FOXC2: variants seen among roughly 807,000 people sequenced by gnomAD.
FOXC2 encodes forkhead box protein C2.
In FOXC2, 7 loss-of-function variants were observed where a neutral mutation model predicts 7.2. The ratio of observed to expected loss-of-function variants is 0.97; its 90% confidence interval spans 0.55 to 1.81. The LOEUF (loss-of-function observed/expected upper bound fraction) is 1.81, where lower values mean the gene tolerates loss of function less well. Ranked by LOEUF, FOXC2 falls within the 40% of genes most tolerant of loss-of-function variation. FOXC2 has a pLI of 0.00. For missense variants in FOXC2, 846 were observed against 741.2 expected (o/e 1.14, Z -1.64); for synonymous variants, 436 against 350.4 (o/e 1.24, Z -2.73).
rs1974228848 is a variant in FOXC2, at chr16:86,568,275, G to C, written c.940G>C (p.Gly314Arg). The change falls in exon 1 of 1, where the codon GGC becomes CGC. Residue 314 changes from glycine to arginine, a missense_variant. Around this residue, in one of 3 missense-constraint regions of FOXC2, gnomAD observed 640 missense variants for 503.2 expected, o/e 1.27. Coordinates refer to ENST00000649859, the MANE Select transcript of FOXC2 (RefSeq NM_005251.3). The surrounding 1 kb of genome is among the most constrained non-coding windows in gnomAD (Gnocchi z 5.2). ...PYAAAPPAAY[G>R]QPCAQGLEAG... ...CGCCGCCGCGCCGCCCGCCGCCTAC[G>C]GCCAGCCGTGCGCTCAGGGCCTGGA... The C allele has an allele frequency of 7.2e-6, 9 of 1,254,070 alleles. No individual in the cohort carries two copies. The highest frequency in any genetic ancestry group is 3.9e-5 in the Admixed American group (1 of 25,356). 77.7% of individuals were successfully genotyped at this position (1,254,070 alleles called of 1,614,324 possible).
chr16:86,569,074 G>GGAC lies in FOXC2; in HGVS notation c.*235_*237dup. 1.6e-6 allele frequency: 1 copy of GGAC among 610,964 alleles called. No homozygotes were observed. Among genetic ancestry groups the GGAC allele is most frequent in the Admixed American group, 2.9e-5 (1 of 34,114 alleles). 37.8% of individuals were successfully genotyped at this position (610,964 alleles called of 1,614,324 possible). On this transcript the variant is annotated 3_prime_UTR_variant, in exon 1 of 1. Transcript: ENST00000649859. The stretch of plus-strand genomic sequence containing the variant: ...GGGATCCCAGGAAACCCCTCCAAAG[G>GGAC]GACGCAGCCCAACAAAATGAGTATT...
At position 86,568,845 on chromosome 16, in the gene FOXC2, G is replaced by A. The variant is rs534691557; in HGVS notation, c.*4G>A. 6.2e-6 allele frequency: 10 copies of A among 1,612,646 alleles called. No individual in the cohort carries two copies. The South Asian group carries it at 7.7e-5, about 12-fold the overall frequency. On this transcript the variant is annotated 3_prime_UTR_variant, in exon 1 of 1. Transcript: ENST00000649859. The surrounding 1 kb of genome is among the most constrained non-coding windows in gnomAD (Gnocchi z 5.2). ...CTACGACTGCACGAAATACTGACGT[G>A]TCCCGGGACCTCCCCTCCCCGGCCC...
In FOXC2 at chr16:86,567,516, C is replaced by T; in HGVS notation, c.181C>T (p.His61Tyr). 1 of 1,613,978 alleles carries T rather than the reference C, an allele frequency of 6.2e-7. No homozygotes were observed. Among genetic ancestry groups the T allele is most frequent in the Non-Finnish European group, 8.5e-7 (1 of 1,180,006 alleles). Residue 61 changes from histidine (H) to tyrosine (Y), a missense_variant, in exon 1 of 1, where the codon CAC (histidine) becomes TAC (tyrosine). Around this residue, in one of 3 missense-constraint regions of FOXC2, gnomAD observed 154 missense variants for 134.2 expected, o/e 1.15. Coordinates refer to ENST00000649859, the MANE Select transcript of FOXC2 (RefSeq NM_005251.3). ...GGGCCGCTCCTACGCGCCCTACCAC[C>T]ACCACCAGCCCGCGGCGCCTAAGGA... ...GMGRSYAPYH[H>Y]HQPAAPKDLV...
chr16:86,567,012 T>C lies in FOXC2; in HGVS notation c.-324T>C, dbSNP rs1249156007. 2.0e-5 allele frequency among the ~76,000 whole-genome samples: 3 copies of C among 150,744 alleles called. No individual in the cohort carries two copies. The highest frequency in any genetic ancestry group is 4.4e-5 in the Non-Finnish European group (3 of 67,432). ...GGTCCCCAGGCCGCGGCGTCTCCGC[T>C]GGGTCCGCGGCCGCCCGCCTGCCCG... On this transcript the variant is annotated 5_prime_UTR_variant, in exon 1 of 1. Transcript: ENST00000649859.
rs1310879511 is a variant in FOXC2 at position 86,568,421 on chromosome 16, G to C, written c.1086G>C (p.Pro362=). 8 of 1,350,582 alleles carry C rather than the reference G, an allele frequency of 5.9e-6. No homozygotes were observed. The highest frequency in any genetic ancestry group is 3.1e-5 in the African/African-American group (2 of 65,144). 83.7% of individuals were successfully genotyped at this position (1,350,582 alleles called of 1,614,324 possible). Residue 362 remains proline, a synonymous_variant, in exon 1 of 1, where the codon CCG becomes CCC. Coordinates refer to ENST00000649859, the MANE Select transcript of FOXC2 (RefSeq NM_005251.3). This position sits in a 1 kb window ranked among gnomAD's most constrained non-coding sequence, Gnocchi z 5.2. The part of the protein sequence containing the change: ...PALDEALSDH[P]SGPTSPLSAL... ...TGGACGAGGCCCTCTCGGACCACCC[G>C]AGCGGCCCCACGTCGCCCCTGAGCG...
chr16:86,568,706 C>G lies in FOXC2; in HGVS notation c.1371C>G (p.His457Gln). 6.2e-7 allele frequency: 1 copy of G among 1,612,924 alleles called. No homozygotes were observed. Among genetic ancestry groups the G allele is most frequent in the Non-Finnish European group, 8.5e-7 (1 of 1,179,996 alleles). The change falls in exon 1 of 1, where the codon CAC becomes CAG. Residue 457 changes from histidine to glutamine, a missense_variant. Transcript: ENST00000649859. This position sits in a 1 kb window ranked among gnomAD's most constrained non-coding sequence, Gnocchi z 5.2. Reference sequence around the variant, plus strand: ...ACGTGCGGGAGATGTTCAACTCCCACCGGCTGGGGATTGAGAACTCGACCC... The same window carrying G: ...ACGTGCGGGAGATGTTCAACTCCCAGCGGCTGGGGATTGAGAACTCGACCC... The part of the protein sequence containing the change: ...FPNVREMFNS[H>Q]RLGIENSTLG...
Position 86,569,213 on chromosome 16 carries a change from G to T in FOXC2, c.*372G>T. 2 of 370,966 alleles carry T rather than the reference G, an allele frequency of 5.4e-6. No homozygotes were observed. The highest frequency in any genetic ancestry group is 1.1e-5 in the Non-Finnish European group (2 of 187,804). The allele number at this position is 370,966 out of a possible 1,614,324, so 23.0% of individuals were successfully genotyped here. ...CGAGCCCCTAGTGACTTTCTGTAGG[G>T]GTCCCCATAGGTGTATGGGGGTCTC... On this transcript the variant is annotated 3_prime_UTR_variant, in exon 1 of 1. Coordinates refer to ENST00000649859, the MANE Select transcript of FOXC2 (RefSeq NM_005251.3).
Position 86,567,327 on chromosome 16 carries a change from G to A in FOXC2, c.-9G>A. The A allele has an allele frequency of 6.2e-7, 1 of 1,612,602 alleles. No individual in the cohort carries two copies. The highest frequency in any genetic ancestry group is 8.5e-7 in the Non-Finnish European group (1 of 1,179,726). Reference sequence around the variant, plus strand: ...CGCGAGGGCGCCGGCGAGCCGTCTCGGAAGCAGCATGCAGGCGCGCTACTC... The same window carrying A: ...CGCGAGGGCGCCGGCGAGCCGTCTCAGAAGCAGCATGCAGGCGCGCTACTC... On this transcript the variant is annotated 5_prime_UTR_variant, in exon 1 of 1. Transcript: ENST00000649859.
At position 86,567,139 on chromosome 16, in the gene FOXC2, G is replaced by A. The variant is rs1974205924; in HGVS notation, c.-197G>A. The A allele has an allele frequency of 4.4e-6, 2 of 452,436 alleles. No homozygotes were observed. The highest frequency in any genetic ancestry group is 4.6e-5 in the Admixed American group (1 of 21,830). 28.0% of individuals were successfully genotyped at this position (452,436 alleles called of 1,614,324 possible). Reference sequence around the variant, plus strand: ...TGCCGATCCGCCCGGTCCGCTGAAAGCGCGCGCCCCTGCTCGGCCCGAGCG... The same window carrying A: ...TGCCGATCCGCCCGGTCCGCTGAAAACGCGCGCCCCTGCTCGGCCCGAGCG... On this transcript the variant is annotated 5_prime_UTR_variant, in exon 1 of 1. Transcript: ENST00000649859.
Position 86,569,098 on chromosome 16 carries a change from T to G in FOXC2, c.*257T>G, listed in dbSNP as rs886570110. ...GGGACGCAGCCCAACAAAATGAGTA[T>G]TGATCTTAAAATCCCCCTCCCCTAC... On this transcript the variant is annotated 3_prime_UTR_variant, in exon 1 of 1. Coordinates refer to ENST00000649859, the MANE Select transcript of FOXC2 (RefSeq NM_005251.3). 11 of 592,828 alleles carry G rather than the reference T, an allele frequency of 1.9e-5. No individual in the cohort carries two copies. The highest frequency in any genetic ancestry group is 1.7e-4 in the African/African-American group (9 of 53,510). The allele number at this position is 592,828 out of a possible 1,614,324, so 36.7% of individuals were successfully genotyped here.
rs1255492524 is a variant in FOXC2, at chr16:86,568,849, C to T, written c.*8C>T. 4 of 1,612,224 alleles carry T rather than the reference C, an allele frequency of 2.5e-6. No individual in the cohort carries two copies. The highest frequency in any genetic ancestry group is 2.2e-5 in the East Asian group (1 of 44,858). On this transcript the variant is annotated 3_prime_UTR_variant, in exon 1 of 1. Coordinates refer to ENST00000649859, the MANE Select transcript of FOXC2 (RefSeq NM_005251.3). The surrounding 1 kb of genome is among the most constrained non-coding windows in gnomAD (Gnocchi z 5.2). ...GACTGCACGAAATACTGACGTGTCC[C>T]GGGACCTCCCCTCCCCGGCCCGCTC...
Position 86,568,465 on chromosome 16 carries a change from G to C in FOXC2, c.1130G>C (p.Gly377Ala). The C allele has an allele frequency of 3.8e-6, 5 of 1,327,344 alleles. No individual in the cohort carries two copies. The highest frequency in any genetic ancestry group is 4.8e-6 in the Non-Finnish European group (5 of 1,033,338). 82.2% of individuals were successfully genotyped at this position (1,327,344 alleles called of 1,614,324 possible). ...SPLSALNLAA[G>A]QEGALAATGH... Reference sequence around the variant, plus strand: ...CTGAGCGCTCTCAACCTCGCCGCCGGCCAGGAGGGCGCGCTCGCCGCCACG... The same window carrying C: ...CTGAGCGCTCTCAACCTCGCCGCCGCCCAGGAGGGCGCGCTCGCCGCCACG... Residue 377 changes from glycine to alanine, a missense_variant, in exon 1 of 1, where the codon GGC becomes GCC. Gly to Ala is a moderately conservative substitution (Grantham distance 60). Coordinates refer to ENST00000649859, the MANE Select transcript of FOXC2 (RefSeq NM_005251.3). This position sits in a 1 kb window ranked among gnomAD's most constrained non-coding sequence, Gnocchi z 5.2.
Position 86,568,640 on chromosome 16 carries a change from C to T in FOXC2, c.1305C>T (p.Leu435=). 2.5e-6 allele frequency: 4 copies of T among 1,612,682 alleles called. No individual in the cohort carries two copies. Among genetic ancestry groups the T allele is most frequent in the Non-Finnish European group, 3.4e-6 (4 of 1,179,980 alleles). ...ACCACAGCGGGGACCTGAACCACCT[C>T]CCCGGCCACACGTTCGCGGCCCAGC... ...YLNHSGDLNH[L]PGHTFAAQQQ... The change falls in exon 1 of 1, where the codon CTC becomes CTT. Residue 435 remains leucine (L), a synonymous_variant. Coordinates refer to ENST00000649859, the MANE Select transcript of FOXC2 (RefSeq NM_005251.3). The surrounding 1 kb of genome is among the most constrained non-coding windows in gnomAD (Gnocchi z 5.2).
rs976382789 is a variant in FOXC2, at chr16:86,568,188, G to A, written c.853G>A (p.Gly285Arg). 13 of 1,288,270 alleles carry A rather than the reference G, an allele frequency of 1.0e-5. No homozygotes were observed. The African/African-American group carries it at 1.9e-4, about 19-fold the overall frequency. The allele number at this position is 1,288,270 out of a possible 1,614,324, so 79.8% of individuals were successfully genotyped here. The stretch of plus-strand genomic sequence containing the variant: ...GACCCTGCGAACGTCGCCGCCGGGC[G>A]GAGAGCTGAGCCCGGGGGCCGGACG... The part of the protein sequence containing the change: ...IMTLRTSPPG[G>R]ELSPGAGRAG... Residue 285 changes from glycine to arginine, a missense_variant, in exon 1 of 1, where the codon GGA becomes AGA. Physicochemically the swap from Gly to Arg is moderately radical, Grantham distance 125 (BLOSUM62 -2). Around this residue, in one of 3 missense-constraint regions of FOXC2, gnomAD observed 640 missense variants for 503.2 expected, o/e 1.27. Transcript: ENST00000649859. The surrounding 1 kb of genome is among the most constrained non-coding windows in gnomAD (Gnocchi z 5.2).
At position 86,566,964 on chromosome 16, in the gene FOXC2, C is replaced by A. The variant is rs989659413; in HGVS notation, c.-372C>A. On this transcript the variant is annotated 5_prime_UTR_variant, in exon 1 of 1. Coordinates refer to ENST00000649859, the MANE Select transcript of FOXC2 (RefSeq NM_005251.3). This position sits in a 1 kb window ranked among gnomAD's most constrained non-coding sequence, Gnocchi z 4.3. The stretch of plus-strand genomic sequence containing the variant: ...TTGGAGAGCCTCCTGCGCCCCTCCT[C>A]GCGCGGGCCGAGGGTCCACCTGGGT... Among the ~76,000 whole-genome samples, 1 of 151,958 alleles carries A rather than the reference C, an allele frequency of 6.6e-6. No homozygotes were observed. Among genetic ancestry groups the A allele is most frequent in the Non-Finnish European group, 1.5e-5 (1 of 67,940 alleles).
At position 86,567,571 on chromosome 16, in the gene FOXC2, C is replaced by T; in HGVS notation, c.236C>T (p.Ala79Val). The T allele has an allele frequency of 6.2e-7, 1 of 1,614,006 alleles. No individual in the cohort carries two copies. Among genetic ancestry groups the T allele is most frequent in the Non-Finnish European group, 8.5e-7 (1 of 1,179,968 alleles). Residue 79 changes from alanine to valine, a missense_variant, in exon 1 of 1, where the codon GCG (alanine) becomes GTG (valine). Around this residue, in one of 3 missense-constraint regions of FOXC2, gnomAD observed 154 missense variants for 134.2 expected, o/e 1.15. Coordinates refer to ENST00000649859, the MANE Select transcript of FOXC2 (RefSeq NM_005251.3). ...DLVKPPYSYIALITMAIQNAP... is the reference protein window; with the variant it reads ...DLVKPPYSYIVLITMAIQNAP... Reference sequence around the variant, plus strand: ...GTGAAGCCGCCCTACAGCTACATCGCGCTCATCACCATGGCCATCCAGAAC... The same window carrying T: ...GTGAAGCCGCCCTACAGCTACATCGTGCTCATCACCATGGCCATCCAGAAC...
rs534580377 is a variant in FOXC2 at position 86,569,114 on chromosome 16, C to T, written c.*273C>T. The stretch of plus-strand genomic sequence containing the variant: ...AAATGAGTATTGATCTTAAAATCCC[C>T]CTCCCCTACCAGGACGGCTGTGCTG... On this transcript the variant is annotated 3_prime_UTR_variant, in exon 1 of 1. Transcript: ENST00000649859. The T allele has an allele frequency of 1.6e-3, 912 of 560,626 alleles. 3 individuals are homozygous for T. Among genetic ancestry groups the T allele is most frequent in the Middle Eastern group, 2.5e-3 (5 of 1,990 alleles). 34.7% of individuals were successfully genotyped at this position (560,626 alleles called of 1,614,324 possible). A position where few individuals can be genotyped will look rare whatever the true frequency, so the allele number is the denominator to read the frequency against.
Position 86,568,605 on chromosome 16 carries a change from T to G in FOXC2, c.1270T>G (p.Trp424Gly). ...PGAAAAQAAS[W>G]YLNHSGDLNH... ...GGCCGCCGCGGCGCAGGCGGCCTCCTGGTATCTCAACCACAGCGGGGACCT... is the reference window on the plus strand; with the variant it reads ...GGCCGCCGCGGCGCAGGCGGCCTCCGGGTATCTCAACCACAGCGGGGACCT... Residue 424 changes from tryptophan to glycine, a missense_variant, in exon 1 of 1, where the codon TGG becomes GGG. By Grantham distance (184) the Trp-to-Gly change is radical (BLOSUM62 -2). Transcript: ENST00000649859. The surrounding 1 kb of genome is among the most constrained non-coding windows in gnomAD (Gnocchi z 5.2). 1 of 1,610,268 alleles carries G rather than the reference T, an allele frequency of 6.2e-7. No homozygotes were observed. The highest frequency in any genetic ancestry group is 1.1e-5 in the South Asian group (1 of 91,008).
chr16:86,567,654 C>G lies in FOXC2; in HGVS notation c.319C>G (p.Pro107Ala), dbSNP rs1171987648. Reference protein sequence around the residue: ...GIYQFIMDRFPFYRENKQGWQ... With the variant: ...GIYQFIMDRFAFYRENKQGWQ... Reference sequence around the variant, plus strand: ...CTACCAGTTCATCATGGACCGCTTCCCCTTCTACCGGGAGAACAAGCAGGG... The same window carrying G: ...CTACCAGTTCATCATGGACCGCTTCGCCTTCTACCGGGAGAACAAGCAGGG... The change falls in exon 1 of 1, where the codon CCC (proline) becomes GCC (alanine). Residue 107 changes from proline (P) to alanine (A), a missense_variant. By Grantham distance (27) the Pro-to-Ala change is conservative (BLOSUM62 -1). Around this residue, in one of 3 missense-constraint regions of FOXC2, gnomAD observed 52 missense variants for 103.8 expected, o/e 0.50. Coordinates refer to ENST00000649859, the MANE Select transcript of FOXC2 (RefSeq NM_005251.3). 7 of 1,614,034 alleles carry G rather than the reference C, an allele frequency of 4.3e-6. No individual in the cohort carries two copies. In the African/African-American group the frequency reaches 8.0e-5, roughly 18 times the overall value.
Sources: allele counts gnomAD v4.1 joint callset (sites outside exome capture counted in the v4.1 genomes callset), GRCh38; gene constraint gnomAD v4.1.1; regional missense constraint gnomAD v4.1.1; non-coding constraint Gnocchi (gnomAD v3.1); transcripts MANE v1.5; gene names NCBI Gene and HGNC (gene_info 2026-07-23, HGNC 2026-07-21).